The following VAV3 variants were observed in gnomAD, a reference collection of about 807,000 sequenced individuals.
VAV3 encodes the protein vav guanine nucleotide exchange factor 3, also known as guanine nucleotide exchange factor VAV3.
Under a neutral mutation model 131.2 loss-of-function variants are expected in VAV3, and 94 were observed. The observed-to-expected ratio is 0.72, with a 90% CI of 0.61 to 0.85. VAV3 has a LOEUF of 0.85. Ranked by LOEUF, VAV3 falls within the 40% of genes least tolerant of loss-of-function variation. The pLI, the probability that VAV3 is intolerant of heterozygous loss-of-function variation, is 0.00. For missense variants in VAV3, 939 were observed against 1,002.7 expected (o/e 0.94, Z 0.86); for synonymous variants, 349 against 342.0 (o/e 1.02, Z -0.22).
At chr1:107,808,890 T>C (rs1459533756) in intron 2 of VAV3, among the ~76,000 whole-genome samples, 1 of 152,190 alleles carries the variant, frequency 6.6e-6, no homozygotes, top group Admixed American at 6.5e-5. Flanking sequence ...TTATTCCTGA[T>C]AATAAATTCC....
intron 15 of VAV3, among the ~76,000 whole-genome samples, chr1:107,719,029 T>C (rs553314582): frequency 4.9e-4 from 74 of 152,362 alleles, no homozygotes; most frequent in African/African-American, 1.7e-3. Flanking sequence ...ACTGGATCCC[T>C]TCCTTACACC....
chr1:107,740,988 A>G (rs755977262), intron 15 of VAV3, among the ~76,000 whole-genome samples: 1 of 152,192 alleles, frequency 6.6e-6, no homozygotes, highest in Non-Finnish European at 1.5e-5. Context: ...TAAACATTTG[A>G]GAAGATCCAA....
chr1:107,600,772 G>A (rs1651789310), intron 24 of VAV3, among the ~76,000 whole-genome samples: 1 of 152,148 alleles, frequency 6.6e-6, no homozygotes, highest in Non-Finnish European at 1.5e-5. Context: ...GGCTTCTGAA[G>A]AACTGCCTTG....
chr1:107,693,631 T>C (rs1659571729), intron 17 of VAV3, among the ~76,000 whole-genome samples: 2 of 152,212 alleles, frequency 1.3e-5, no homozygotes, highest in South Asian at 4.1e-4. Context: ...AAATGCTTAA[T>C]AATATTTAGC....
rs1004457767 is a variant in VAV3, at chr1:107,938,324, G to A, written c.204+26342C>T. On this transcript the variant is annotated intron_variant, in intron 1 of 26. Coordinates refer to ENST00000370056, the MANE Select transcript of VAV3 (RefSeq NM_006113.5). ...AACTCAAGGAAAGCTGAGGAGGAAGGAGCCGCCAGATGGGACCAAGAAGGC... is the reference window on the plus strand; with the variant it reads ...AACTCAAGGAAAGCTGAGGAGGAAGAAGCCGCCAGATGGGACCAAGAAGGC... Among the ~76,000 whole-genome samples the A allele has an allele frequency of 2.0e-5, 3 of 152,252 alleles. No homozygotes were observed. The East Asian group carries it at 5.8e-4, about 29-fold the overall frequency.
At chr1:107,593,145 A>G (rs1651097800) in intron 25 of VAV3, among the ~76,000 whole-genome samples, 1 of 152,126 alleles carries the variant, frequency 6.6e-6, no homozygotes, top group Non-Finnish European at 1.5e-5. Flanking sequence ...CCTAACTTTA[A>G]AATGTTATGC....
chr1:107,611,508 C>T (rs75572883), intron 21 of VAV3, among the ~76,000 whole-genome samples: 1,684 of 150,268 alleles, frequency 0.011, 61 homozygotes, highest in East Asian at 0.071. Context: ...AAATGTGATG[C>T]GAAAAATATT....
At chr1:107,660,336 T>C (rs1656917894) in intron 19 of VAV3, among the ~76,000 whole-genome samples, 1 of 152,222 alleles carries the variant, frequency 6.6e-6, no homozygotes, top group African/African-American at 2.4e-5. Context: ...ATAATTGTTA[T>C]TTTCATCTTA....
At chr1:107,757,363 T>C (rs1664170622) in intron 10 of VAV3, 34 bp from the exon 11 acceptor site, 1 of 1,557,814 alleles carries the variant, frequency 6.4e-7, no homozygotes, top group Non-Finnish European at 8.7e-7. Context: ...ACTACTTTCA[T>C]CAAATTAAAA....
chr1:107,901,178 G>A lies in VAV3; in HGVS notation c.205-26161C>T, dbSNP rs1337717611. Among the ~76,000 whole-genome samples the A allele has an allele frequency of 3.3e-5, 5 of 152,258 alleles. No individual in the cohort carries two copies. In the East Asian group the frequency reaches 7.7e-4, roughly 24 times the overall value. On this transcript the variant is annotated intron_variant, in intron 1 of 26. Coordinates refer to ENST00000370056, the MANE Select transcript of VAV3 (RefSeq NM_006113.5). Reference sequence around the variant, plus strand: ...CTGCTATGTCCCAGGTATTGTAGCTGACAATTTACCTATGTGATTAAAAAG... The same window carrying A: ...CTGCTATGTCCCAGGTATTGTAGCTAACAATTTACCTATGTGATTAAAAAG...
chr1:107,924,840 T>C (rs1229797360), intron 1 of VAV3, among the ~76,000 whole-genome samples: 2 of 152,252 alleles, frequency 1.3e-5, no homozygotes, highest in East Asian at 1.9e-4. Flanking sequence ...TTAAGAATAT[T>C]TAGGGAAACT....
chr1:107,861,302 C>T (rs375256978), intron 2 of VAV3, among the ~76,000 whole-genome samples: 8 of 151,606 alleles, frequency 5.3e-5, no homozygotes, highest in Admixed American at 1.3e-4. Flanking sequence ...TAAAAGCCAA[C>T]GCTAATTAAT....
intron 15 of VAV3, among the ~76,000 whole-genome samples, chr1:107,706,234 G>A (rs1265221767): frequency 6.6e-6 from 1 of 152,102 alleles, no homozygotes; most frequent in Non-Finnish European, 1.5e-5. Context: ...ATAGAATACA[G>A]CAACTCTCAA....
At chr1:107,602,605 C>T (rs1651950310) in intron 23 of VAV3, 121 bp from the exon 24 acceptor site, 2 of 703,610 alleles carry the variant, frequency 2.8e-6, no homozygotes, top group Non-Finnish European at 4.5e-6. Context: ...AAATATATAC[C>T]TATGCCAATA....
chr1:107,642,818 C>T, intron 19 of VAV3, 63 bp from the exon 20 acceptor site: 7 of 1,593,848 alleles, frequency 4.4e-6, no homozygotes, highest in Non-Finnish European at 5.1e-6. Flanking sequence ...TCTACATGAA[C>T]TTTACAAAAA....
At chr1:107,847,661 A>C (rs1669032337) in intron 2 of VAV3, among the ~76,000 whole-genome samples, 1 of 152,226 alleles carries the variant, frequency 6.6e-6, no homozygotes, top group African/African-American at 2.4e-5. Context: ...AATAAACTAG[A>C]AAATGAAGAA....
At position 107,890,815 on chromosome 1, in the gene VAV3, G is replaced by A. The variant is rs148270999; in HGVS notation, c.205-15798C>T. 9.6e-4 allele frequency among the ~76,000 whole-genome samples: 146 copies of A among 152,276 alleles called. 3 individuals are homozygous for A. The East Asian group carries it at 0.026, about 27-fold the overall frequency. ...AGCCATTTTTCTACCAAAAATGGAA[G>A]ACACTTTCAGATCATACAACTTCCT... On this transcript the variant is annotated intron_variant, in intron 1 of 26. Transcript: ENST00000370056.
chr1:107,754,692 T>C (rs1316012235), intron 12 of VAV3, among the ~76,000 whole-genome samples: 1 of 152,198 alleles, frequency 6.6e-6, no homozygotes, highest in Non-Finnish European at 1.5e-5. Context: ...TCCTCATGGC[T>C]CAGAGCCCAC....
At chr1:107,587,837 C>T (rs1001716215) in intron 25 of VAV3, among the ~76,000 whole-genome samples, 2 of 152,202 alleles carry the variant, frequency 1.3e-5, no homozygotes, top group African/African-American at 4.8e-5. Context: ...AATGATCCAC[C>T]TGCTTCAGCC....
Sources: allele counts gnomAD v4.1 joint callset (sites outside exome capture counted in the v4.1 genomes callset), GRCh38; gene constraint gnomAD v4.1.1; transcripts MANE v1.5; gene names NCBI Gene and HGNC (gene_info 2026-07-23, HGNC 2026-07-21).